OVOL2: variants seen among roughly 807,000 people sequenced by gnomAD.
OVOL2 encodes ovo like zinc finger 2, also known as transcription factor Ovo-like 2.
Under a neutral mutation model 18.1 loss-of-function variants are expected in OVOL2, and 13 were observed. The observed-to-expected ratio is 0.72, with a 90% CI of 0.47 to 1.14. The LOEUF is 1.14. Among genes scored for constraint, OVOL2 ranks in the 50% most tolerant of loss-of-function variants. The pLI, the probability that OVOL2 is intolerant of heterozygous loss-of-function variation, is 0.00. For missense variants in OVOL2, 335 were observed against 383.0 expected (o/e 0.87, Z 1.05); for synonymous variants, 166 against 162.7 (o/e 1.02, Z -0.16).
intron 3 of OVOL2, 64 bp downstream of exon 3, chr20:18,041,470 A>G (rs2036667225): frequency 6.5e-7 from 1 of 1,545,120 alleles, no homozygotes; most frequent in South Asian, 1.2e-5. Flanking sequence ...TTTTGGTGGG[A>G]AAGAAACAGG....
chr20:18,056,586 G>T lies in OVOL2; in HGVS notation c.321+71C>A. On this transcript the variant is annotated intron_variant, in intron 2 of 3. Transcript: ENST00000278780. The surrounding 1 kb of genome is among the most constrained non-coding windows in gnomAD (Gnocchi z 4.2). ...TTGCGCAGGCGGGCGCGGCAGGGAG[G>T]GGCGCCGGCCTCGGGAGCCCGACGC... is the stretch of plus-strand genomic sequence containing the variant. 1 of 1,290,968 alleles carries T rather than the reference G, an allele frequency of 7.7e-7. No individual in the cohort carries two copies. The highest frequency in any genetic ancestry group is 2.5e-5 in the South Asian group (1 of 40,450). 80.0% of individuals were successfully genotyped at this position (1,290,968 alleles called of 1,614,324 possible).
intron 2 of OVOL2, among the ~76,000 whole-genome samples, chr20:18,047,371 C>G (rs6075280): frequency 0.53 from 75,418 of 141,718 alleles, 21,886 homozygotes; most frequent in African/African-American, 0.73. Context: ...AAATTAGCCG[C>G]GCATGGTGGC....
chr20:18,041,930 G>A (rs1319986488), intron 2 of OVOL2, among the ~76,000 whole-genome samples: 1 of 114,696 alleles, frequency 8.7e-6, no homozygotes, highest in Non-Finnish European at 1.7e-5. Flanking sequence ...TTCTTTTTGA[G>A]ATGGAGTCTT....
intron 2 of OVOL2, among the ~76,000 whole-genome samples, chr20:18,045,471 C>A (rs1351772947): frequency 6.6e-6 from 1 of 152,148 alleles, no homozygotes; most frequent in East Asian, 1.9e-4. Flanking sequence ...GAATGCAATA[C>A]AGATGCCTTC....
chr20:18,028,680 C>T (rs1283213806), intron 3 of OVOL2, among the ~76,000 whole-genome samples: 3 of 151,958 alleles, frequency 2.0e-5, no homozygotes, highest in Admixed American at 6.6e-5. Flanking sequence ...GTAATCTCAG[C>T]TACCTGGGAG....
chr20:18,026,586 T>TAC lies in OVOL2; in HGVS notation c.512-1635_512-1634insGT, dbSNP rs1568630418. Reference sequence around the variant, plus strand: ...TTAGTAGAGACGGGGTTTCACCATGTTAGCCAGAATGGTCTCGATCTCCTG... The same window carrying TAC: ...TTAGTAGAGACGGGGTTTCACCATGTACTAGCCAGAATGGTCTCGATCTCCTG... On this transcript the variant is annotated intron_variant, in intron 3 of 3. Coordinates refer to ENST00000278780, the MANE Select transcript of OVOL2 (RefSeq NM_021220.4). 3.3e-5 allele frequency among the ~76,000 whole-genome samples: 5 copies of TAC among 152,150 alleles called. No homozygotes were observed. In the East Asian group the frequency reaches 9.6e-4, roughly 29 times the overall value.
chr20:18,049,952 A>G (rs1344303017), intron 2 of OVOL2, among the ~76,000 whole-genome samples: 1 of 152,214 alleles, frequency 6.6e-6, no homozygotes. Context: ...TTGTCCCACA[A>G]TGCAATGGAA....
intron 2 of OVOL2, among the ~76,000 whole-genome samples, chr20:18,055,634 T>C (rs2036814632): frequency 1.3e-5 from 2 of 152,034 alleles, no homozygotes; most frequent in Admixed American, 1.3e-4. Flanking sequence ...ATAGGGGACC[T>C]CTCCCAGGAA....
At position 18,024,442 on chromosome 20, in the gene OVOL2, G is replaced by T; in HGVS notation, c.*194C>A. Reference sequence around the variant, plus strand: ...GAGCAACTGCGCCAGACAGGACACAGGTTACAGGGCCTGACGTCACTAACG... The same window carrying T: ...GAGCAACTGCGCCAGACAGGACACATGTTACAGGGCCTGACGTCACTAACG... On this transcript the variant is annotated 3_prime_UTR_variant, in exon 4 of 4. Coordinates refer to ENST00000278780, the MANE Select transcript of OVOL2 (RefSeq NM_021220.4). The T allele has an allele frequency of 3.2e-6, 4 of 1,253,964 alleles. No individual in the cohort carries two copies. Among genetic ancestry groups the T allele is most frequent in the Non-Finnish European group, 4.2e-6 (4 of 946,360 alleles). The allele number at this position is 1,253,964 out of a possible 1,614,324, so 77.7% of individuals were successfully genotyped here. A position where few individuals can be genotyped will look rare whatever the true frequency, so the allele number is the denominator to read the frequency against.
chr20:18,035,361 G>A (rs1357905320), intron 3 of OVOL2, among the ~76,000 whole-genome samples: 1 of 152,224 alleles, frequency 6.6e-6, no homozygotes, highest in Non-Finnish European at 1.5e-5. Context: ...GGAGGCTGAG[G>A]CAAGAGAATC....
At chr20:18,028,102 G>A (rs1001387236) in intron 3 of OVOL2, among the ~76,000 whole-genome samples, 6 of 152,100 alleles carry the variant, frequency 3.9e-5, no homozygotes, top group African/African-American at 1.4e-4. Context: ...ACAGATTCCC[G>A]GGCCTGCCTC....
chr20:18,059,117 G>A (rs934520169), upstream of OVOL2: 2 of 152,436 alleles, frequency 1.3e-5, no homozygotes, highest in Non-Finnish European at 2.9e-5. Context: ...CCAGCCTACA[G>A]GGCCCGGGAA....
At chr20:18,057,966 C>T (rs2036846651), upstream of OVOL2, 9 of 1,002,310 alleles carry the variant, frequency 9.0e-6, 1 homozygote, top group South Asian at 3.5e-4. The surrounding 1 kb of genome is among the most constrained non-coding windows in gnomAD (Gnocchi z 6.3). Flanking sequence ...AGCTCGCTAC[C>T]TGTCCGACCG....
chr20:18,052,830 T>A (rs537860800), intron 2 of OVOL2, among the ~76,000 whole-genome samples: 1 of 152,342 alleles, frequency 6.6e-6, no homozygotes, highest in East Asian at 1.9e-4. Flanking sequence ...GAATCACGTA[T>A]GAATACTATC....
upstream of OVOL2, among the ~76,000 whole-genome samples, chr20:18,058,261 C>T (rs2122734738): frequency 6.6e-6 from 1 of 152,044 alleles, no homozygotes; most frequent in Admixed American, 6.5e-5. Context: ...TGGCTCAGTT[C>T]CCCTGGACCT....
chr20:18,028,732 G>T (rs1039711639), intron 3 of OVOL2, among the ~76,000 whole-genome samples: 5 of 152,048 alleles, frequency 3.3e-5, no homozygotes, highest in Admixed American at 2.0e-4. Flanking sequence ...GGCAGAGGTT[G>T]CAGTGAGCTG....
At chr20:18,025,498 G>A (rs1433367475) in intron 3 of OVOL2, among the ~76,000 whole-genome samples, 1 of 152,196 alleles carries the variant, frequency 6.6e-6, no homozygotes, top group Non-Finnish European at 1.5e-5. Context: ...GAACCCAGGA[G>A]GTGGAGGTTG....
chr20:18,032,057 T>C (rs538398167), intron 3 of OVOL2, among the ~76,000 whole-genome samples: 4 of 152,054 alleles, frequency 2.6e-5, no homozygotes, highest in African/African-American at 7.2e-5. Flanking sequence ...AATTTGGCAA[T>C]GGCCATAAAA....
chr20:18,057,841 A>G lies in OVOL2; in HGVS notation c.-207T>C, dbSNP rs1300269544. 5.2e-6 allele frequency: 7 copies of G among 1,355,706 alleles called. No homozygotes were observed. In the East Asian group the frequency reaches 1.5e-4, roughly 30 times the overall value. The allele number at this position is 1,355,706 out of a possible 1,614,324, so 84.0% of individuals were successfully genotyped here. ...CCAGCCTCCCGGCTCGGCGACACCT[A>G]TGCCTTAAATCGCGAGTGAGACCAC... is the stretch of plus-strand genomic sequence containing the variant. On this transcript the variant is annotated 5_prime_UTR_variant, in exon 1 of 4. Coordinates refer to ENST00000278780, the MANE Select transcript of OVOL2 (RefSeq NM_021220.4). This position sits in a 1 kb window ranked among gnomAD's most constrained non-coding sequence, Gnocchi z 6.3.
Sources: gnomAD v4.1 joint callset for allele counts (sites outside exome capture counted in the v4.1 genomes callset) on GRCh38, gnomAD v4.1.1 for gene constraint, Gnocchi (gnomAD v3.1) non-coding constraint, MANE v1.5 for transcripts, NCBI Gene and HGNC (gene_info 2026-07-23, HGNC 2026-07-21) for gene names.